UBE2L3: variants seen among roughly 807,000 people sequenced by gnomAD.
UBE2L3 encodes ubiquitin conjugating enzyme E2 L3.
Under a neutral mutation model 17.8 loss-of-function variants are expected in UBE2L3, and 1 was observed. The observed-to-expected ratio is 0.06, with a 90% CI of 0.02 to 0.27. The LOEUF is 0.27. Ranked by LOEUF, UBE2L3 falls within the 10% of genes least tolerant of loss-of-function variation. The probability of loss-of-function intolerance (pLI) is 1.00; values close to 1 mark genes in which losing one functional copy is unlikely to be tolerated. For synonymous variants in UBE2L3, 44 were observed against 68.5 expected (o/e 0.64, Z 1.76); for missense variants, 40 against 192.6 (o/e 0.21, Z 4.69).
intron 1 of UBE2L3, among the ~76,000 whole-genome samples, chr22:21,559,348 A>AAAATAAAT (rs131647): frequency 1.4e-5 from 2 of 144,444 alleles, no homozygotes; most frequent in African/African-American, 5.4e-5. Flanking sequence ...ACTCTGTCTC[A>AAAATAAAT]AAATAAATAA....
upstream of UBE2L3, among the ~76,000 whole-genome samples, chr22:21,566,533 C>T (rs1360028054): frequency 6.6e-6 from 1 of 151,450 alleles, no homozygotes; most frequent in African/African-American, 2.4e-5. Context: ...CGGCAGTGAG[C>T]TGTTATCGTG....
At chr22:21,564,316 G>A (rs137995785), upstream of UBE2L3, among the ~76,000 whole-genome samples, 181 of 152,288 alleles carry the variant, frequency 1.2e-3, 2 homozygotes, top group African/African-American at 4.0e-3. Context: ...TTACAGGCAT[G>A]AGTCACCACA....
chr22:21,567,762 G>A lies in UBE2L3; in HGVS notation c.18G>A (p.Arg6=). The A allele has an allele frequency of 6.3e-7, 1 of 1,584,058 alleles. No homozygotes were observed. Among genetic ancestry groups the A allele is most frequent in the Non-Finnish European group, 8.6e-7 (1 of 1,166,742 alleles). Residue 6 remains arginine, a synonymous_variant, in exon 1 of 4, where the codon AGG becomes AGA. Coordinates refer to ENST00000342192, the MANE Select transcript of UBE2L3 (RefSeq NM_003347.4). ...AATCCAAGATGGCGGCCAGCAGGAGGCTGATGAAGGTAAAAGCCATTCTCT... is the reference window on the plus strand; with the variant it reads ...AATCCAAGATGGCGGCCAGCAGGAGACTGATGAAGGTAAAAGCCATTCTCT... The part of the protein sequence containing the change: MAASR[R]LMKELEEIRK...
At chr22:21,588,805 G>A (rs1928094144) in intron 1 of UBE2L3, among the ~76,000 whole-genome samples, 2 of 151,974 alleles carry the variant, frequency 1.3e-5, no homozygotes, top group Admixed American at 1.3e-4. Context: ...TGGGATTATA[G>A]GTGCCTGCCA....
chr22:21,624,025 TCA>T lies in UBE2L3; in HGVS notation c.*2357_*2358del, dbSNP rs1177228415. 7 of 152,364 alleles carry T rather than the reference TCA, an allele frequency of 4.6e-5. No homozygotes were observed. The highest frequency in any genetic ancestry group is 8.8e-5 in the Non-Finnish European group (6 of 68,120). 9.4% of individuals were successfully genotyped at this position (152,364 alleles called of 1,614,324 possible). ...TCTGCTGCCCGTAATAAAAATGCTCTCAGACACTGGTTAGTCGTGTGGGTTTC... is the reference window on the plus strand; with the variant it reads ...TCTGCTGCCCGTAATAAAAATGCTCTGACACTGGTTAGTCGTGTGGGTTTC... On this transcript the variant is annotated 3_prime_UTR_variant, in exon 4 of 4. Coordinates refer to ENST00000342192, the MANE Select transcript of UBE2L3 (RefSeq NM_003347.4).
chr22:21,602,200 G>A (rs1037754555), intron 2 of UBE2L3, among the ~76,000 whole-genome samples: 1 of 152,164 alleles, frequency 6.6e-6, no homozygotes, highest in Non-Finnish European at 1.5e-5. Context: ...AAGCTAGGCA[G>A]AAGTGACAAC....
intron 3 of UBE2L3, among the ~76,000 whole-genome samples, chr22:21,617,798 A>G (rs1414992381): frequency 1.3e-5 from 2 of 152,232 alleles, no homozygotes; most frequent in East Asian, 3.8e-4. Flanking sequence ...GCTGAAGTTT[A>G]TTATAGTTTA....
intron 3 of UBE2L3, among the ~76,000 whole-genome samples, chr22:21,616,677 T>A (rs1929793683): frequency 6.7e-6 from 1 of 148,384 alleles, no homozygotes; most frequent in Non-Finnish European, 1.5e-5. Flanking sequence ...AAAAAAAAAT[T>A]AGCCAGGCGT....
intron 1 of UBE2L3, among the ~76,000 whole-genome samples, chr22:21,580,406 T>C (rs1352803132): frequency 6.6e-6 from 1 of 152,192 alleles, no homozygotes; most frequent in Non-Finnish European, 1.5e-5. Context: ...TCCCAGCATC[T>C]CTTTGTTTTC....
rs115627525 is a variant in UBE2L3, at chr22:21,567,984, T to C, written c.27+213T>C. ...AGCGCAAGGCCGCGCTGGGAGCCGC[T>C]GTCGGCCCCTCAGCCCGGCCCGGGG... On this transcript the variant is annotated intron_variant, in intron 1 of 3. Coordinates refer to ENST00000342192, the MANE Select transcript of UBE2L3 (RefSeq NM_003347.4). 0.015 allele frequency: 20,701 copies of C among 1,365,436 alleles called. 2,707 individuals are homozygous for C. The African/African-American group carries it at 0.28, about 19-fold the overall frequency. The allele number at this position is 1,365,436 out of a possible 1,614,324, so 84.6% of individuals were successfully genotyped here. A position where few individuals can be genotyped will look rare whatever the true frequency, so the allele number is the denominator to read the frequency against.
intron 1 of UBE2L3, among the ~76,000 whole-genome samples, chr22:21,573,348 T>G (rs1480856054): frequency 6.6e-6 from 1 of 152,078 alleles, no homozygotes; most frequent in East Asian, 1.9e-4. Flanking sequence ...AACAGCATGC[T>G]TTGCACACAC....
At chr22:21,557,970 A>C (rs452815) in intron 1 of UBE2L3, among the ~76,000 whole-genome samples, 146,787 of 148,406 alleles carry the variant, frequency 0.99, 72,620 homozygotes, top group Middle Eastern at 1. Flanking sequence ...ACACACATAC[A>C]CCATCCCAGT....
intron 1 of UBE2L3, chr22:21,555,358 C>T (rs1394059265): frequency 6.5e-6 from 1 of 153,230 alleles, no homozygotes; most frequent in Non-Finnish European, 1.5e-5. Flanking sequence ...CTCGGTGGCT[C>T]ATGTCTGTAA....
upstream of UBE2L3, among the ~76,000 whole-genome samples, chr22:21,563,046 A>C (rs1239259384): frequency 1.3e-5 from 2 of 151,148 alleles, no homozygotes; most frequent in Non-Finnish European, 2.9e-5. Flanking sequence ...GTTCGAGATC[A>C]GCCTGACCAA....
chr22:21,574,371 G>A (rs369601948), intron 1 of UBE2L3, among the ~76,000 whole-genome samples: 3 of 152,174 alleles, frequency 2.0e-5, no homozygotes, highest in Non-Finnish European at 2.9e-5. Flanking sequence ...GGTTAAATGA[G>A]TTAATATATA....
chr22:21,616,638 T>A (rs1392109838), intron 3 of UBE2L3, among the ~76,000 whole-genome samples: 1 of 132,494 alleles, frequency 7.5e-6, no homozygotes, highest in Non-Finnish European at 1.6e-5. Context: ...GGTGACAGAG[T>A]GAGAGCGAGA....
At chr22:21,561,554 C>CT (rs1262467445) in intron 1 of UBE2L3, among the ~76,000 whole-genome samples, 1 of 152,266 alleles carries the variant, frequency 6.6e-6, no homozygotes, top group African/African-American at 2.4e-5. Context: ...TATACTCCAG[C>CT]CTGGGTGACA....
chr22:21,557,438 C>T (rs548948318), intron 1 of UBE2L3, among the ~76,000 whole-genome samples: 1 of 152,378 alleles, frequency 6.6e-6, no homozygotes, highest in East Asian at 1.9e-4. Context: ...ATAAATTAAA[C>T]AGAAATACCA....
intron 2 of UBE2L3, among the ~76,000 whole-genome samples, chr22:21,598,541 C>CTTT (rs60333124): frequency 7.7e-6 from 1 of 129,078 alleles, no homozygotes. Context: ...TTTCCCTTTC[C>CTTT]TTTTTTTTTT....
Sources: gnomAD v4.1 joint callset for allele counts (sites outside exome capture counted in the v4.1 genomes callset) on GRCh38, gnomAD v4.1.1 for gene constraint, MANE v1.5 for transcripts, NCBI Gene and HGNC (gene_info 2026-07-23, HGNC 2026-07-21) for gene names.